The following RRM2B variants were observed in gnomAD, a reference collection of about 807,000 sequenced individuals.
The protein encoded by RRM2B is ribonucleotide reductase regulatory TP53 inducible subunit M2B.
In RRM2B, 20 loss-of-function variants were observed where a neutral mutation model predicts 45.9. The ratio of observed to expected loss-of-function variants is 0.44; its 90% CI spans 0.31 to 0.63. The LOEUF is 0.63. Ranked by LOEUF, RRM2B falls within the 30% of genes least tolerant of loss-of-function variation. The pLI is 0.09. For synonymous variants in RRM2B, 124 were observed against 132.3 expected (o/e 0.94, Z 0.43); for missense variants, 320 against 414.7 (o/e 0.77, Z 1.98).
rs200301242 is a variant in RRM2B at position 102,224,056 on chromosome 8, T to C, written c.540A>G (p.Lys180=). ...ATTAGAGCCACATACCAAAAGTAGA[T>C]TTTCTATCTGCTATCCATCGCAAGG... The part of the protein sequence containing the change: ...DWALRWIADR[K]STFGERVVAF... Residue 180 remains lysine, a synonymous_variant, in exon 5 of 9, where the codon AAA becomes AAG. Coordinates refer to ENST00000251810, the MANE Select transcript of RRM2B (RefSeq NM_015713.5). 543 of 1,611,378 alleles carry C rather than the reference T, an allele frequency of 3.4e-4. 5 individuals carry two copies. The highest frequency in any genetic ancestry group is 8.5e-5 in the Non-Finnish European group (100 of 1,177,666).
chr8:102,237,551 C>A (rs566069860), intron 1 of RRM2B, among the ~76,000 whole-genome samples: 4 of 152,206 alleles, frequency 2.6e-5, no homozygotes, highest in African/African-American at 9.7e-5. Context: ...GTGCTTCAGG[C>A]AACCCAGCAT....
chr8:102,217,739 G>T (rs1200115967), intron 6 of RRM2B, among the ~76,000 whole-genome samples: 1 of 151,848 alleles, frequency 6.6e-6, no homozygotes, highest in Non-Finnish European at 1.5e-5. Flanking sequence ...GTTTCAAATG[G>T]ATACATAAAG....
At chr8:102,209,430 A>G (rs533276807) in intron 8 of RRM2B, among the ~76,000 whole-genome samples, 4 of 152,308 alleles carry the variant, frequency 2.6e-5, no homozygotes, top group African/African-American at 9.6e-5. Flanking sequence ...CAAGATCACA[A>G]TGAGATACCA....
At chr8:102,211,975 G>T (rs1031798202) in intron 8 of RRM2B, among the ~76,000 whole-genome samples, 3 of 152,048 alleles carry the variant, frequency 2.0e-5, no homozygotes, top group Non-Finnish European at 4.4e-5. Flanking sequence ...AAGATAATTT[G>T]AACTTACATT....
At chr8:102,210,193 T>A (rs1810611679) in intron 8 of RRM2B, among the ~76,000 whole-genome samples, 1 of 152,200 alleles carries the variant, frequency 6.6e-6, no homozygotes, top group South Asian at 2.1e-4. Context: ...AAGCTTTAAA[T>A]ATTTATGTAT....
chr8:102,223,951 C>T (rs1484746642), intron 5 of RRM2B, 95 bp downstream of exon 5: 1 of 872,494 alleles, frequency 1.1e-6, no homozygotes, highest in Admixed American at 1.7e-5. Flanking sequence ...CTTTTCCATG[C>T]TGTAACTTTG....
At chr8:102,238,686 C>T (rs767607979) in intron 1 of RRM2B, 141 bp downstream of exon 1, 3 of 1,549,866 alleles carry the variant, frequency 1.9e-6, no homozygotes, top group African/African-American at 1.4e-5. Flanking sequence ...CTCGCAACGA[C>T]GAAGCCAGGC....
At chr8:102,213,644 T>G (rs1454594637) in intron 7 of RRM2B, among the ~76,000 whole-genome samples, 1 of 152,118 alleles carries the variant, frequency 6.6e-6, no homozygotes, top group East Asian at 1.9e-4. Context: ...TTATTCATTC[T>G]ATAAAAATTT....
Position 102,238,941 on chromosome 8 carries a change from A to T in RRM2B, c.-67T>A. 1.3e-6 allele frequency: 2 copies of T among 1,537,946 alleles called. No individual in the cohort carries two copies. Among genetic ancestry groups the T allele is most frequent in the South Asian group, 1.1e-5 (1 of 89,484 alleles). On this transcript the variant is annotated 5_prime_UTR_variant, in exon 1 of 9. Transcript: ENST00000251810. ...GCTCCTCAGGCCACCTCCAACTACG[A>T]CAGCACCCAGGTGGTCCGCTGGTCC...
At position 102,229,575 on chromosome 8, in the gene RRM2B, A is replaced by G. The variant is rs561354633; in HGVS notation, c.204+2574T>C. On this transcript the variant is annotated intron_variant, in intron 2 of 8. Transcript: ENST00000251810. The stretch of plus-strand genomic sequence containing the variant: ...ACTGAAGGACATCTTCTTCATTCAT[A>G]TATATTATAACCCCTCAGGTTTTTT... 4.4e-5 allele frequency among the ~76,000 whole-genome samples: 6 copies of G among 137,068 alleles called. No individual in the cohort carries two copies. In the South Asian group the frequency reaches 8.8e-4, roughly 20 times the overall value. The allele number at this position is 137,068 out of a possible 152,430, so 89.9% of individuals were successfully genotyped here.
intron 7 of RRM2B, among the ~76,000 whole-genome samples, chr8:102,213,169 G>A (rs1032849478): frequency 7.9e-5 from 12 of 152,046 alleles, no homozygotes; most frequent in African/African-American, 2.4e-4. Flanking sequence ...ACTCGGATTC[G>A]TATGCTTTCT....
At chr8:102,215,213 G>A (rs1461028575) in intron 6 of RRM2B, among the ~76,000 whole-genome samples, 1 of 151,764 alleles carries the variant, frequency 6.6e-6, no homozygotes, top group East Asian at 1.9e-4. Flanking sequence ...AGGAATTCGA[G>A]ACCAGCCTGG....
chr8:102,230,270 G>T (rs1338280365), intron 2 of RRM2B, among the ~76,000 whole-genome samples: 1 of 152,160 alleles, frequency 6.6e-6, no homozygotes, highest in Non-Finnish European at 1.5e-5. Flanking sequence ...AAATGTGTTT[G>T]ATTTATCTTC....
intron 4 of RRM2B, 76 bp downstream of exon 4, chr8:102,224,809 T>C: frequency 5.9e-6 from 8 of 1,363,036 alleles, no homozygotes; most frequent in Non-Finnish European, 6.3e-6. Context: ...TCCTTAACAT[T>C]GAGTTTTGGA....
chr8:102,238,196 G>C (rs904039395), intron 1 of RRM2B, among the ~76,000 whole-genome samples: 1 of 152,200 alleles, frequency 6.6e-6, no homozygotes, highest in South Asian at 2.1e-4. Flanking sequence ...TTTGCATAAA[G>C]CATTTTACTT....
chr8:102,236,542 T>C (rs998758760), intron 1 of RRM2B, among the ~76,000 whole-genome samples: 1 of 152,158 alleles, frequency 6.6e-6, no homozygotes, highest in South Asian at 2.1e-4. Flanking sequence ...GCCTGAGGTG[T>C]TGGCCAGGCT....
intron 5 of RRM2B, among the ~76,000 whole-genome samples, chr8:102,219,686 C>T (rs1046794037): frequency 3.3e-5 from 5 of 152,188 alleles, no homozygotes; most frequent in Non-Finnish European, 7.3e-5. Context: ...AGGTCATTCA[C>T]AAGGTGCTTA....
At chr8:102,230,229 T>A (rs1201447559) in intron 2 of RRM2B, among the ~76,000 whole-genome samples, 5 of 152,212 alleles carry the variant, frequency 3.3e-5, no homozygotes, top group African/African-American at 1.2e-4. Flanking sequence ...GTAACTTACA[T>A]AATTTGTAAA....
chr8:102,224,142 T>C lies in RRM2B; in HGVS notation c.456-2A>G. ...TCAATTGCATTAAATAAAAATTCCCTGTAAAAACAAAAGAATGAACAGCAA... is the reference window on the plus strand; with the variant it reads ...TCAATTGCATTAAATAAAAATTCCCCGTAAAAACAAAAGAATGAACAGCAA... On this transcript the variant is annotated splice_acceptor_variant, in intron 4 of 8. Coordinates refer to ENST00000251810, the MANE Select transcript of RRM2B (RefSeq NM_015713.5). LOFTEE classifies it high-confidence loss of function. 6.3e-7 allele frequency: 1 copy of C among 1,580,548 alleles called. No homozygotes were observed. The highest frequency in any genetic ancestry group is 8.7e-7 in the Non-Finnish European group (1 of 1,149,598).
Sources: gnomAD v4.1 joint callset for allele counts (sites outside exome capture counted in the v4.1 genomes callset) on GRCh38, gnomAD v4.1.1 for gene constraint, MANE v1.5 for transcripts, NCBI Gene and HGNC (gene_info 2026-07-23, HGNC 2026-07-21) for gene names.